CTNNA3: variants seen among roughly 807,000 people sequenced by gnomAD.
CTNNA3 encodes the protein catenin alpha-3.
Under a neutral mutation model 95.7 loss-of-function variants are expected in CTNNA3, and 76 were observed. The observed-to-expected ratio is 0.79, with a 90% CI of 0.66 to 0.96. The LOEUF (loss-of-function observed/expected upper bound fraction) is 0.96, where lower values mean the gene tolerates loss of function less well. CTNNA3 is among the 40% of genes least tolerant of loss of function. The pLI, the probability that CTNNA3 is intolerant of heterozygous loss-of-function variation, is 0.00. For synonymous variants in CTNNA3, 431 were observed against 374.4 expected, an observed-to-expected ratio of 1.15 and a Z score of -1.74; for missense variants, 1,191 against 1,089.8, an observed-to-expected ratio of 1.09 and a Z score of -1.31.
At chr10:66,437,936 T>C (rs2093349669) in intron 11 of CTNNA3, among the ~76,000 whole-genome samples, 16 of 152,174 alleles carry the variant, frequency 1.1e-4, no homozygotes, top group Admixed American at 1.0e-3. Context: ...TTGTTAGTTT[T>C]CCTTCTAACA....
intron 10 of CTNNA3, among the ~76,000 whole-genome samples, chr10:66,599,215 T>C (rs1843830651): frequency 6.6e-6 from 1 of 152,026 alleles, no homozygotes; most frequent in African/African-American, 2.4e-5. Flanking sequence ...CTAGGCAGCA[T>C]CTGGCAGAAA....
intron 3 of CTNNA3, among the ~76,000 whole-genome samples, chr10:67,581,215 T>G (rs571625205): frequency 4.7e-4 from 71 of 152,304 alleles, no homozygotes; most frequent in African/African-American, 1.6e-3. Flanking sequence ...TAGCTATTAT[T>G]ATTTTGAGAT....
intron 12 of CTNNA3, among the ~76,000 whole-genome samples, chr10:66,308,836 A>T (rs1303363770): frequency 1.3e-5 from 2 of 152,190 alleles, no homozygotes; most frequent in Non-Finnish European, 2.9e-5. Context: ...CTCTAAAATG[A>T]AATTAATCAG....
chr10:66,632,362 T>G (rs1388450230), intron 9 of CTNNA3, among the ~76,000 whole-genome samples: 2 of 151,920 alleles, frequency 1.3e-5, no homozygotes, highest in Non-Finnish European at 2.9e-5. Context: ...GAGACCAGCC[T>G]GGCCAACACG....
intron 13 of CTNNA3, among the ~76,000 whole-genome samples, chr10:66,261,164 C>A (rs1355936314): frequency 1.3e-5 from 2 of 152,078 alleles, no homozygotes; most frequent in African/African-American, 4.8e-5. Flanking sequence ...ATTAGCAGCT[C>A]AAGGGTATAA....
chr10:66,404,476 C>T (rs956589490), intron 11 of CTNNA3, among the ~76,000 whole-genome samples: 4 of 152,158 alleles, frequency 2.6e-5, no homozygotes, highest in Admixed American at 2.0e-4. Flanking sequence ...CTATTGTGTG[C>T]TGGGCACTTG....
chr10:67,129,062 C>T lies in CTNNA3; in HGVS notation c.1047+51255G>A, dbSNP rs187050431. Among the ~76,000 whole-genome samples the T allele has an allele frequency of 8.5e-5, 13 of 152,262 alleles. No homozygotes were observed. In the East Asian group the frequency reaches 2.5e-3, roughly 29 times the overall value. ...AAAAAGAACTGTGAAAATTAGACTGCTCACTCATTTGAAACCCTTTGATAA... is the reference window on the plus strand; with the variant it reads ...AAAAAGAACTGTGAAAATTAGACTGTTCACTCATTTGAAACCCTTTGATAA... On this transcript the variant is annotated intron_variant, in intron 7 of 17. Transcript: ENST00000433211.
chr10:65,942,631 C>A (rs2077447551), intron 17 of CTNNA3, among the ~76,000 whole-genome samples: 1 of 152,156 alleles, frequency 6.6e-6, no homozygotes, highest in Non-Finnish European at 1.5e-5. Flanking sequence ...CTGACCTGAA[C>A]TTCTTGCAAG....
chr10:66,381,375 A>G (rs1409885506), intron 11 of CTNNA3, among the ~76,000 whole-genome samples: 1 of 152,216 alleles, frequency 6.6e-6, no homozygotes, highest in African/African-American at 2.4e-5. Context: ...GGATTCACAT[A>G]AAATGGTTTA....
At position 65,916,655 on chromosome 10, in the gene CTNNA3, T is replaced by G. The variant is rs2077011283; in HGVS notation, c.*3675A>C. ...AATTTTGACTAAAACTCTGTAAAAT[T>G]TATTAGTCAATTTATACCTGGGATA... On this transcript the variant is annotated 3_prime_UTR_variant, in exon 18 of 18. Transcript: ENST00000433211. The G allele has an allele frequency of 6.6e-6, 1 of 152,184 alleles. No individual in the cohort carries two copies. Among genetic ancestry groups the G allele is most frequent in the Admixed American group, 6.6e-5 (1 of 15,264 alleles). The allele number at this position is 152,184 out of a possible 1,614,324, so 9.4% of individuals were successfully genotyped here.
At chr10:66,156,873 T>C (rs532902183) in intron 13 of CTNNA3, among the ~76,000 whole-genome samples, 1 of 151,948 alleles carries the variant, frequency 6.6e-6, no homozygotes, top group Non-Finnish European at 1.5e-5. Flanking sequence ...AGAGGGATCA[T>C]GTATAATTTT....
intron 2 of CTNNA3, among the ~76,000 whole-genome samples, chr10:67,611,081 C>T (rs1008840280): frequency 6.6e-6 from 1 of 152,140 alleles, no homozygotes; most frequent in Non-Finnish European, 1.5e-5. Flanking sequence ...TCTATTAATT[C>T]TGCAAGTTTA....
intron 5 of CTNNA3, among the ~76,000 whole-genome samples, chr10:67,489,559 C>T (rs916143153): frequency 1.2e-4 from 19 of 152,080 alleles, no homozygotes; most frequent in Admixed American, 3.9e-4. Context: ...TTCTCAGGGG[C>T]TTAGATAAGT....
upstream of CTNNA3, among the ~76,000 whole-genome samples, chr10:67,696,632 C>A (rs947798129): frequency 5.9e-5 from 9 of 152,218 alleles, no homozygotes; most frequent in East Asian, 1.7e-3. Context: ...TTATGAGGAA[C>A]CACATCATTA....
intron 13 of CTNNA3, among the ~76,000 whole-genome samples, chr10:66,254,258 C>T (rs1267428845): frequency 2.0e-5 from 3 of 152,140 alleles, no homozygotes; most frequent in Non-Finnish European, 2.9e-5. Flanking sequence ...TTTGACTTCC[C>T]TATTATCAAA....
chr10:66,206,375 G>C (rs2087755355), intron 13 of CTNNA3, among the ~76,000 whole-genome samples: 1 of 151,948 alleles, frequency 6.6e-6, no homozygotes, highest in South Asian at 2.1e-4. Flanking sequence ...ATGTATATGT[G>C]TCTACAGAAT....
At chr10:67,635,475 T>G (rs1233243689) in intron 2 of CTNNA3, among the ~76,000 whole-genome samples, 1 of 152,132 alleles carries the variant, frequency 6.6e-6, no homozygotes. Flanking sequence ...TCCACCATGA[T>G]CGAGTTGTCT....
intron 5 of CTNNA3, among the ~76,000 whole-genome samples, chr10:67,513,332 G>A (rs1839701287): frequency 6.6e-6 from 1 of 152,224 alleles, no homozygotes; most frequent in African/African-American, 2.4e-5. Context: ...GGACTTCACT[G>A]AAAAGTCAAT....
intron 17 of CTNNA3, among the ~76,000 whole-genome samples, chr10:65,951,874 A>G (rs2077621251): frequency 6.6e-6 from 1 of 152,070 alleles, no homozygotes; most frequent in East Asian, 1.9e-4. Context: ...CTAAAAATAC[A>G]AAAAAATTAG....
Sources: allele counts gnomAD v4.1 joint callset (sites outside exome capture counted in the v4.1 genomes callset), GRCh38; gene constraint gnomAD v4.1.1; transcripts MANE v1.5; gene names NCBI Gene and HGNC (gene_info 2026-07-23, HGNC 2026-07-21).